Variants in DLGAP4 observed in about 807,000 individuals in gnomAD.
DLGAP4 encodes the protein disks large-associated protein 4.
DLGAP4 carries 18 observed loss-of-function variants against 86.9 expected under a neutral mutation model. The observed-to-expected ratio is 0.21, with a 90% confidence interval of 0.14 to 0.31. The LOEUF (loss-of-function observed/expected upper bound fraction) is 0.31, where lower values mean the gene tolerates loss of function less well. Among genes scored for constraint, DLGAP4 ranks in the 10% least tolerant of loss-of-function variants. DLGAP4 has a pLI of 1.00. For missense variants in DLGAP4, 1,085 were observed against 1,362.6 expected (o/e 0.80, Z 3.21); for synonymous variants, 548 against 574.3 (o/e 0.95, Z 0.65).
At chr20:36,471,426 G>A (rs544607221) in intron 7 of DLGAP4, among the ~76,000 whole-genome samples, 1 of 152,200 alleles carries the variant, frequency 6.6e-6, no homozygotes, top group East Asian at 1.9e-4. Flanking sequence ...CCTGGGAGGC[G>A]GAGGTTGCAG....
rs558520298 is a variant in DLGAP4 at position 36,364,610 on chromosome 20, C to T, written c.-303-2435C>T. Among the ~76,000 whole-genome samples, 6 of 152,288 alleles carry T rather than the reference C, an allele frequency of 3.9e-5. No homozygotes were observed. In the South Asian group the frequency reaches 6.2e-4, roughly 16 times the overall value. On this transcript the variant is annotated intron_variant, in intron 1 of 12. Coordinates refer to ENST00000339266, the MANE Select transcript of DLGAP4 (RefSeq NM_001365621.2). ...CCTGAGGCAGCCCAGATATACTTTC[C>T]GTCTGTACAGTGGCACCTGTTCTGG...
At chr20:36,434,680 A>G (rs556604698) in intron 3 of DLGAP4, among the ~76,000 whole-genome samples, 2 of 152,298 alleles carry the variant, frequency 1.3e-5, no homozygotes, top group East Asian at 1.9e-4. Flanking sequence ...GGCAGAATGC[A>G]CTGGCCCTAG....
At chr20:36,405,818 T>C (rs1456013176) in intron 2 of DLGAP4, among the ~76,000 whole-genome samples, 1 of 152,068 alleles carries the variant, frequency 6.6e-6, no homozygotes, top group Non-Finnish European at 1.5e-5. Context: ...CAGGCCCACA[T>C]GGACTCCAGG....
At chr20:36,526,415 G>C (rs1162085621) in intron 12 of DLGAP4, among the ~76,000 whole-genome samples, 1 of 152,116 alleles carries the variant, frequency 6.6e-6, no homozygotes, top group Non-Finnish European at 1.5e-5. Flanking sequence ...ACCAGAACCA[G>C]TGACCCCTGT....
chr20:36,485,412 T>G (rs145346454), intron 7 of DLGAP4, among the ~76,000 whole-genome samples: 1 of 151,942 alleles, frequency 6.6e-6, no homozygotes, highest in East Asian at 1.9e-4. Context: ...TCCAGATTTC[T>G]GGTACATTTG....
At chr20:36,517,563 G>A (rs866756049) in intron 10 of DLGAP4, among the ~76,000 whole-genome samples, 9 of 151,898 alleles carry the variant, frequency 5.9e-5, no homozygotes, top group Admixed American at 2.0e-4. Flanking sequence ...CACCGTGCCC[G>A]GCCTAGTAGT....
intron 7 of DLGAP4, among the ~76,000 whole-genome samples, chr20:36,458,443 T>G (rs1451793343): frequency 2.1e-5 from 3 of 142,706 alleles, no homozygotes; most frequent in African/African-American, 7.8e-5. Flanking sequence ...GTCAGGCTGG[T>G]CTTGAACTCC....
intron 1 of DLGAP4, among the ~76,000 whole-genome samples, chr20:36,309,555 C>T (rs1352153944): frequency 1.3e-5 from 2 of 152,192 alleles, no homozygotes; most frequent in South Asian, 2.1e-4. Flanking sequence ...GTGGGAGTTA[C>T]AGGCCTGTAG....
At chr20:36,476,692 T>TG (rs1391324726) in intron 7 of DLGAP4, among the ~76,000 whole-genome samples, 2 of 146,474 alleles carry the variant, frequency 1.4e-5, no homozygotes, top group Non-Finnish European at 1.5e-5. Flanking sequence ...GCCCAATTTT[T>TG]TTTTTTTTTT....
chr20:36,377,656 T>C (rs1202671806), intron 2 of DLGAP4, among the ~76,000 whole-genome samples: 10 of 152,162 alleles, frequency 6.6e-5, no homozygotes, highest in Non-Finnish European at 2.9e-5. Flanking sequence ...CGTCTCTGTC[T>C]CCAGCTCCCC....
intron 1 of DLGAP4, among the ~76,000 whole-genome samples, chr20:36,337,291 C>A (rs2065332525): frequency 6.9e-6 from 1 of 144,190 alleles, no homozygotes; most frequent in Admixed American, 7.6e-5. Context: ...CTCAATAATT[C>A]ATGGAAATGA....
intron 1 of DLGAP4, among the ~76,000 whole-genome samples, chr20:36,310,847 TG>T (rs2065047262): frequency 6.6e-6 from 1 of 152,200 alleles, no homozygotes; most frequent in African/African-American, 2.4e-5. Context: ...GCAAACTCAC[TG>T]GGCATCTTTG....
intron 2 of DLGAP4, among the ~76,000 whole-genome samples, chr20:36,410,955 C>A (rs1283177194): frequency 6.6e-6 from 1 of 152,136 alleles, no homozygotes; most frequent in Admixed American, 6.6e-5. Flanking sequence ...CTGGGATCAC[C>A]TCCCAAATAG....
chr20:36,470,572 G>C (rs2034615995), intron 7 of DLGAP4, among the ~76,000 whole-genome samples: 4 of 148,518 alleles, frequency 2.7e-5, no homozygotes, highest in African/African-American at 9.9e-5. Context: ...ATTCAAACTT[G>C]GTTAAAAAAA....
rs575582414 is a variant in DLGAP4 at position 36,439,754 on chromosome 20, G to T, written c.1242G>T (p.Arg414Ser). The T allele has an allele frequency of 1.2e-6, 2 of 1,612,532 alleles. No individual in the cohort carries two copies. The highest frequency in any genetic ancestry group is 1.7e-6 in the Non-Finnish European group (2 of 1,179,710). Residue 414 changes from arginine to serine, a missense_variant and splice_region_variant, in exon 5 of 13, where the codon AGG (arginine) becomes AGT (serine). Physicochemically the swap from Arg to Ser is moderately radical, Grantham distance 110. Transcript: ENST00000339266. ...QSLGEQSNPR[R>S]SLDRLDSVDM... is the part of the protein sequence containing the mutation. ...CTGTCTGCTCCCCACTCCCCACCAG[G>T]AGTCTGGACCGCCTGGATTCAGTGG...
intron 2 of DLGAP4, among the ~76,000 whole-genome samples, chr20:36,373,176 A>T (rs1197165564): frequency 6.6e-6 from 1 of 152,130 alleles, no homozygotes; most frequent in Non-Finnish European, 1.5e-5. Context: ...AGGTGATGGA[A>T]AACCCACCCC....
intron 7 of DLGAP4, chr20:36,462,447 C>G: frequency 6.5e-7 from 1 of 1,532,346 alleles, no homozygotes; most frequent in South Asian, 1.3e-5. Flanking sequence ...GCCTGGGGCC[C>G]TTGGCCCCCC....
intron 8 of DLGAP4, chr20:36,498,218 G>A (rs1017607324): frequency 3.3e-5 from 5 of 152,254 alleles, no homozygotes; most frequent in Non-Finnish European, 2.9e-5. Context: ...CCTCCAAGAG[G>A]CAGCTCTAGG....
chr20:36,339,474 A>G (rs924810675), intron 1 of DLGAP4, among the ~76,000 whole-genome samples: 1 of 151,802 alleles, frequency 6.6e-6, no homozygotes, highest in South Asian at 2.1e-4. Flanking sequence ...TGCAACATCA[A>G]CCTCCTGGGC....
Sources: allele counts gnomAD v4.1 joint callset (sites outside exome capture counted in the v4.1 genomes callset), GRCh38; gene constraint gnomAD v4.1.1; transcripts MANE v1.5; gene names NCBI Gene and HGNC (gene_info 2026-07-23, HGNC 2026-07-21).